WWOX: variants seen among roughly 807,000 people sequenced by gnomAD.
WWOX encodes WW domain-containing oxidoreductase.
A neutral mutation model predicts 46.2 loss-of-function variants in WWOX; 69 were observed. That is an observed-to-expected ratio of 1.49 (90% CI 1.23 to 1.82). The LOEUF is 1.82. Among genes scored for constraint, WWOX ranks in the 40% most tolerant of loss-of-function variants. The pLI, the probability that WWOX is intolerant of heterozygous loss-of-function variation, is 0.00. For missense variants in WWOX, 919 were observed against 542.6 expected (o/e 1.69, Z -6.89); for synonymous variants, 359 against 202.6 (o/e 1.77, Z -6.56).
intron 8 of WWOX, among the ~76,000 whole-genome samples, chr16:78,875,699 A>T (rs143270443): frequency 6.6e-6 from 1 of 152,230 alleles, no homozygotes; most frequent in East Asian, 1.9e-4. Context: ...TGGTTTTTCT[A>T]AGCCACAGTG....
intron 8 of WWOX, among the ~76,000 whole-genome samples, chr16:78,673,321 C>A (rs573419654): frequency 6.6e-6 from 1 of 152,214 alleles, no homozygotes; most frequent in African/African-American, 2.4e-5. Flanking sequence ...CAGTCTCTTT[C>A]TCTGAGTAGC....
chr16:78,336,956 T>C (rs1437075084), intron 5 of WWOX, among the ~76,000 whole-genome samples: 1 of 152,008 alleles, frequency 6.6e-6, no homozygotes, highest in Non-Finnish European at 1.5e-5. Flanking sequence ...TTTTTTGTAT[T>C]TTTTAGTACA....
chr16:79,002,581 A>G (rs922832306), intron 8 of WWOX, among the ~76,000 whole-genome samples: 2 of 152,218 alleles, frequency 1.3e-5, no homozygotes, highest in African/African-American at 4.8e-5. Context: ...TAAAGTGATG[A>G]TGATGATTAC....
At chr16:78,610,770 A>T (rs1345547257) in intron 8 of WWOX, among the ~76,000 whole-genome samples, 1 of 152,162 alleles carries the variant, frequency 6.6e-6, no homozygotes, top group Admixed American at 6.5e-5. Context: ...TGGCTCTGAT[A>T]TTATAAAATC....
At chr16:78,883,775 G>A (rs2044393537) in intron 8 of WWOX, among the ~76,000 whole-genome samples, 1 of 151,914 alleles carries the variant, frequency 6.6e-6, no homozygotes, top group African/African-American at 2.4e-5. Flanking sequence ...ATGGTCATGT[G>A]AGATGTTGAC....
intron 5 of WWOX, among the ~76,000 whole-genome samples, chr16:78,241,403 G>T (rs1426051181): frequency 6.6e-6 from 1 of 151,930 alleles, no homozygotes; most frequent in Non-Finnish European, 1.5e-5. Flanking sequence ...TGATGATTGT[G>T]GTTGCTGTTG....
intron 8 of WWOX, among the ~76,000 whole-genome samples, chr16:78,690,484 C>G (rs1238602962): frequency 3.3e-5 from 5 of 152,088 alleles, no homozygotes; most frequent in Non-Finnish European, 5.9e-5. Context: ...CCCTGGACGT[C>G]AAGGCTGCAG....
At chr16:78,690,623 A>G (rs2047963301) in intron 8 of WWOX, among the ~76,000 whole-genome samples, 1 of 152,100 alleles carries the variant, frequency 6.6e-6, no homozygotes, top group Non-Finnish European at 1.5e-5. Flanking sequence ...TAGGGCACAC[A>G]CATGAATATA....
At chr16:78,674,760 A>G (rs1298595977) in intron 8 of WWOX, among the ~76,000 whole-genome samples, 2 of 152,216 alleles carry the variant, frequency 1.3e-5, no homozygotes, top group African/African-American at 2.4e-5. Context: ...TGAAAAGAGG[A>G]GTAATGGAAG....
intron 6 of WWOX, 85 bp from the exon 7 acceptor site, chr16:78,424,785 A>G (rs2083036444): frequency 2.0e-6 from 3 of 1,469,978 alleles, no homozygotes; most frequent in Non-Finnish European, 2.9e-6. Context: ...GTTTATGTCC[A>G]CATCACGTGG....
intron 8 of WWOX, among the ~76,000 whole-genome samples, chr16:79,061,631 G>T (rs564563781): frequency 6.6e-6 from 1 of 152,314 alleles, no homozygotes; most frequent in African/African-American, 2.4e-5. Context: ...ACTGATCCAT[G>T]ACAGTATTGG....
intron 8 of WWOX, among the ~76,000 whole-genome samples, chr16:78,921,391 G>T (rs985117913): frequency 6.6e-6 from 1 of 152,124 alleles, no homozygotes; most frequent in Admixed American, 6.5e-5. Flanking sequence ...CTGGTCATGG[G>T]GAGTACAGTA....
intron 8 of WWOX, among the ~76,000 whole-genome samples, chr16:78,797,358 T>TAAAAAAAAAAAAAAAAAAAAAAA (rs57291441): frequency 8.6e-6 from 1 of 116,644 alleles, no homozygotes; most frequent in Non-Finnish European, 1.6e-5. Flanking sequence ...GTCAAAGTGG[T>TAAAAAAAAAAAAAAAAAAAAAAA]AAAAAAAAAA....
chr16:78,100,164 T>A, intron 1 of WWOX: 1 of 1,289,410 alleles, frequency 7.8e-7, no homozygotes, highest in Non-Finnish European at 9.9e-7. Flanking sequence ...AGCGGCCTCA[T>A]CCCCGCCAAA....
intron 5 of WWOX, among the ~76,000 whole-genome samples, chr16:78,213,014 C>T (rs987273199): frequency 2.0e-5 from 3 of 151,998 alleles, no homozygotes; most frequent in Non-Finnish European, 2.9e-5. Flanking sequence ...ATCCCAGCAA[C>T]TTGGGAGGTG....
At chr16:78,430,501 C>T (rs895808649) in intron 7 of WWOX, among the ~76,000 whole-genome samples, 1 of 152,152 alleles carries the variant, frequency 6.6e-6, no homozygotes. Context: ...TCCACTGGGG[C>T]ATTCTTCATT....
At chr16:79,052,556 G>A (rs1334034108) in intron 8 of WWOX, among the ~76,000 whole-genome samples, 2 of 152,186 alleles carry the variant, frequency 1.3e-5, no homozygotes, top group African/African-American at 4.8e-5. Context: ...TGGTAGACTG[G>A]ATTAAGAAAA....
chr16:78,123,936 C>T lies in WWOX; in HGVS notation c.409+8782C>T, dbSNP rs2033244777. ...TTAAGTAAGAGGGATCATATTAAAC[C>T]AGCTACTTAATGTGAAGCAGATAGC... On this transcript the variant is annotated intron_variant, in intron 4 of 8. Coordinates refer to ENST00000566780, the MANE Select transcript of WWOX (RefSeq NM_016373.4). 2.0e-5 allele frequency: 3 copies of T among 152,018 alleles called. No homozygotes were observed. In the South Asian group the frequency reaches 6.2e-4, roughly 32 times the overall value. 9.4% of individuals were successfully genotyped at this position (152,018 alleles called of 1,614,324 possible).
intron 8 of WWOX, among the ~76,000 whole-genome samples, chr16:79,015,291 T>C: frequency 6.6e-6 from 1 of 152,198 alleles, no homozygotes; most frequent in East Asian, 1.9e-4. Flanking sequence ...GAAGCTCAGC[T>C]GAACAGATGA....
Sources: allele counts gnomAD v4.1 joint callset (sites outside exome capture counted in the v4.1 genomes callset), GRCh38; gene constraint gnomAD v4.1.1; transcripts MANE v1.5; gene names NCBI Gene and HGNC (gene_info 2026-07-23, HGNC 2026-07-21).